The following ATP13A1 variants were observed in gnomAD, a reference collection of about 807,000 sequenced individuals.
ATP13A1 encodes endoplasmic reticulum transmembrane helix translocase.
Under a neutral mutation model 134.8 loss-of-function variants are expected in ATP13A1, and 55 were observed. The ratio of observed to expected loss-of-function variants is 0.41; its 90% CI spans 0.33 to 0.51. ATP13A1 has a LOEUF of 0.51. Ranked by LOEUF, ATP13A1 falls within the 20% of genes least tolerant of loss-of-function variation. ATP13A1 has a pLI of 0.29. For missense variants in ATP13A1, 1,389 were observed against 1,652.8 expected (o/e 0.84, Z 2.77); for synonymous variants, 775 against 725.1 (o/e 1.07, Z -1.10).
intron 3 of ATP13A1, 68 bp from the exon 4 acceptor site, chr19:19,657,476 C>T: frequency 6.9e-7 from 1 of 1,438,868 alleles, no homozygotes. Context: ...TCCACCCTGA[C>T]CCCTCCAACC....
chr19:19,660,043 G>C, intron 1 of ATP13A1, 56 bp from the exon 2 acceptor site: 4 of 1,490,412 alleles, frequency 2.7e-6, no homozygotes, highest in Non-Finnish European at 2.7e-6. Flanking sequence ...ACAGTTCCAA[G>C]ACCCCCCCGG....
Position 19,659,922 on chromosome 19 carries a change from C to A in ATP13A1, c.462G>T (p.Glu154Asp). The change falls in exon 2 of 26, where the codon GAG (glutamate) becomes GAT (aspartate). Residue 154 changes from glutamate to aspartate, a missense_variant. Coordinates refer to ENST00000357324, the MANE Select transcript of ATP13A1 (RefSeq NM_020410.3). ...VVPTPNNGSTELVALHRNEGE... is the reference protein window; with the variant it reads ...VVPTPNNGSTDLVALHRNEGE... ...CCTCATTGCGGTGCAGGGCCACGAG[C>A]TCCGTGGAGCCATTGTTGGGGGTTG... 1 of 1,586,598 alleles carries A rather than the reference C, an allele frequency of 6.3e-7. No homozygotes were observed. The highest frequency in any genetic ancestry group is 8.6e-7 in the Non-Finnish European group (1 of 1,168,300).
At position 19,645,853 on chromosome 19, in the gene ATP13A1, T is replaced by G; in HGVS notation, c.3360+21A>C. 1 of 1,612,218 alleles carries G rather than the reference T, an allele frequency of 6.2e-7. No homozygotes were observed. The highest frequency in any genetic ancestry group is 8.5e-7 in the Non-Finnish European group (1 of 1,178,978). On this transcript the variant is annotated intron_variant, in intron 24 of 25. Transcript: ENST00000357324. The surrounding 1 kb of genome is among the most constrained non-coding windows in gnomAD (Gnocchi z 4.1). ...GCTGGGTGGGCAGACAGTGAATGTTTGGGCAGGGCCCAGGCCTTACTTTGT... is the reference window on the plus strand; with the variant it reads ...GCTGGGTGGGCAGACAGTGAATGTTGGGGCAGGGCCCAGGCCTTACTTTGT...
Position 19,656,177 on chromosome 19 carries a change from T to C in ATP13A1, c.1090A>G (p.Ile364Val). Residue 364 changes from isoleucine to valine, a missense_variant, in exon 8 of 26, where the codon ATC (isoleucine) becomes GTC (valine). Transcript: ENST00000357324. This position sits in a 1 kb window ranked among gnomAD's most constrained non-coding sequence, Gnocchi z 4.6. ...ACCCGGTCTGGGCTGAGGTCTTCGA[T>C]GGGCTCCTGGGGAGGAAGATCGTGA... ...GESVPQMKEP[I>V]EDLSPDRVLD... The C allele has an allele frequency of 6.2e-7, 1 of 1,606,126 alleles. No individual in the cohort carries two copies. Among genetic ancestry groups the C allele is most frequent in the Non-Finnish European group, 8.5e-7 (1 of 1,175,220 alleles).
In ATP13A1 at chr19:19,652,588, C is replaced by A. The variant is rs373702947; in HGVS notation, c.2226+7G>T. 3 of 1,606,974 alleles carry A rather than the reference C, an allele frequency of 1.9e-6. No individual in the cohort carries two copies. The African/African-American group carries it at 4.0e-5, about 21-fold the overall frequency. The stretch of plus-strand genomic sequence containing the variant: ...TGCAGAGGGTGGAGCCGAGCACCGT[C>A]CCATACCCGGTGGGACGCATTCTGG... On this transcript the variant is annotated splice_region_variant and intron_variant, in intron 16 of 25. Coordinates refer to ENST00000357324, the MANE Select transcript of ATP13A1 (RefSeq NM_020410.3).
At chr19:19,658,348 C>A (rs10415278) in intron 3 of ATP13A1, among the ~76,000 whole-genome samples, 23,086 of 152,010 alleles carry the variant, frequency 0.15, 1,959 homozygotes, top group Middle Eastern at 0.32. Context: ...AGCAACCCCA[C>A]TGCTATCAAA....
chr19:19,646,378 GA>G (rs2061985884), intron 22 of ATP13A1, 31 bp from the exon 23 acceptor site: 1 of 1,612,688 alleles, frequency 6.2e-7, no homozygotes, highest in Non-Finnish European at 8.5e-7. Flanking sequence ...GGGGAGTCAG[GA>G]TCTGGCTCAC....
chr19:19,646,102 G>A (rs1290092180), intron 23 of ATP13A1, 103 bp downstream of exon 23: 2 of 1,592,532 alleles, frequency 1.3e-6, no homozygotes, highest in Admixed American at 3.4e-5. Flanking sequence ...GCCCCTCCCT[G>A]GACACCCTGG....
At position 19,655,579 on chromosome 19, in the gene ATP13A1, G is replaced by A. The variant is rs1240941346; in HGVS notation, c.1345C>T (p.Leu449Phe). ...GCGATGGCAAACACCAGGAGGAAGA[G>A]GATGAAGATGAAGGTCTCCAGGTTG... Reference protein sequence around the residue: ...ANNLETFIFILFLLVFAIAAA... With the variant: ...ANNLETFIFIFFLLVFAIAAA... The change falls in exon 10 of 26, where the codon CTC becomes TTC. Residue 449 changes from leucine (L) to phenylalanine (F), a missense_variant. Leu to Phe is a conservative substitution (Grantham distance 22). This residue lies in a region of ATP13A1 where 747 missense variants were observed against 956.1 expected (regional missense o/e 0.78). Coordinates refer to ENST00000357324, the MANE Select transcript of ATP13A1 (RefSeq NM_020410.3). The surrounding 1 kb of genome is among the most constrained non-coding windows in gnomAD (Gnocchi z 5.7). 1.2e-6 allele frequency: 2 copies of A among 1,613,994 alleles called. No homozygotes were observed. Among genetic ancestry groups the A allele is most frequent in the Non-Finnish European group, 8.5e-7 (1 of 1,179,880 alleles).
chr19:19,647,721 C>T lies in ATP13A1; in HGVS notation c.2671G>A (p.Glu891Lys), dbSNP rs1180334789. ...LLANAPERVV[E>K]RRRRPRDSPT... Reference sequence around the variant, plus strand: ...CTGTCCCGGGGCCGCCGTCGCCGCTCGACAACCCGCTCAGGGGCATTGGCC... The same window carrying T: ...CTGTCCCGGGGCCGCCGTCGCCGCTTGACAACCCGCTCAGGGGCATTGGCC... Residue 891 changes from glutamate (E) to lysine (K), a missense_variant, in exon 20 of 26, where the codon GAG (glutamate) becomes AAG (lysine). Glu to Lys is a moderately conservative substitution (Grantham distance 56, BLOSUM62 1). Transcript: ENST00000357324. This position sits in a 1 kb window ranked among gnomAD's most constrained non-coding sequence, Gnocchi z 4.8. 25 of 1,607,050 alleles carry T rather than the reference C, an allele frequency of 1.6e-5. No homozygotes were observed. Among genetic ancestry groups the T allele is most frequent in the Admixed American group, 6.7e-5 (4 of 59,524 alleles).
Position 19,663,476 on chromosome 19 carries a change from C to T in ATP13A1, c.191G>A (p.Arg64His). The T allele has an allele frequency of 1.3e-6, 2 of 1,538,294 alleles. No homozygotes were observed. The highest frequency in any genetic ancestry group is 1.2e-5 in the South Asian group (1 of 84,158). Residue 64 changes from arginine (R) to histidine (H), a missense_variant, in exon 1 of 26, where the codon CGC becomes CAC. By Grantham distance (29) the Arg-to-His change is conservative. Coordinates refer to ENST00000357324, the MANE Select transcript of ATP13A1 (RefSeq NM_020410.3). Reference protein sequence around the residue: ...WPYRRLALLRRLTVLPFAGLL... With the variant: ...WPYRRLALLRHLTVLPFAGLL... ...CCCGGCGAATGGCAGCACCGTGAGG[C>T]GCCGCAACAGCGCCAACCGCCGGTA...
At chr19:19,659,387 C>T (rs906674113) in intron 3 of ATP13A1, among the ~76,000 whole-genome samples, 2 of 151,852 alleles carry the variant, frequency 1.3e-5, no homozygotes, top group South Asian at 2.1e-4. Flanking sequence ...ACCGGGGAGG[C>T]GGAGGTTGGG....
At chr19:19,648,298 G>A (rs1285078171) in intron 19 of ATP13A1, among the ~76,000 whole-genome samples, 1 of 151,344 alleles carries the variant, frequency 6.6e-6, no homozygotes. Flanking sequence ...CAGCCTGGGC[G>A]ACAGAGCGAG....
At chr19:19,646,749 T>C (rs561936658) in intron 22 of ATP13A1, 6 of 369,408 alleles carry the variant, frequency 1.6e-5, no homozygotes, top group Non-Finnish European at 2.5e-5. Context: ...CTGGCCCCCC[T>C]GGTTCTTTAC....
At chr19:19,652,566 A>T in intron 16 of ATP13A1, 29 bp downstream of exon 16, 2 of 1,597,192 alleles carry the variant, frequency 1.3e-6, no homozygotes, top group Non-Finnish European at 1.7e-6. Flanking sequence ...TTTCCCATGC[A>T]GAGGGTGGAG....
In ATP13A1 at chr19:19,654,566, G is replaced by A; in HGVS notation, c.1790C>T (p.Ala597Val). Residue 597 changes from alanine to valine, a missense_variant, in exon 13 of 26, where the codon GCC becomes GTC. This residue lies in a region of ATP13A1 where 747 missense variants were observed against 956.1 expected (regional missense o/e 0.78). Coordinates refer to ENST00000357324, the MANE Select transcript of ATP13A1 (RefSeq NM_020410.3). ...ACCTTTGGTCAGCGTCCAGTCCACG[G>A]CCGTCAGCATGGCCTTCTCTAGAGG... ...GDPLEKAMLT[A>V]VDWTLTKDEK... 1.2e-6 allele frequency: 2 copies of A among 1,611,764 alleles called. No individual in the cohort carries two copies. The highest frequency in any genetic ancestry group is 1.7e-6 in the Non-Finnish European group (2 of 1,179,356).
At position 19,655,367 on chromosome 19, in the gene ATP13A1, T is replaced by C; in HGVS notation, c.1483A>G (p.Ile495Val). Residue 495 changes from isoleucine to valine, a missense_variant, in exon 11 of 26, where the codon ATC becomes GTC. Physicochemically the swap from Ile to Val is conservative, Grantham distance 29. This residue lies in a region of ATP13A1 where 747 missense variants were observed against 956.1 expected (regional missense o/e 0.78). Coordinates refer to ENST00000357324, the MANE Select transcript of ATP13A1 (RefSeq NM_020410.3). This position sits in a 1 kb window ranked among gnomAD's most constrained non-coding sequence, Gnocchi z 5.7. Reference protein sequence around the residue: ...LTSVVPPELPIELSLAVNTSL... With the variant: ...LTSVVPPELPVELSLAVNTSL... Reference sequence around the variant, plus strand: ...GTGTTGACGGCCAGGGACAGCTCGATGGGCAGCTCAGGAGGCACGACCGAG... The same window carrying C: ...GTGTTGACGGCCAGGGACAGCTCGACGGGCAGCTCAGGAGGCACGACCGAG... The C allele has an allele frequency of 1.9e-6, 3 of 1,613,900 alleles. No homozygotes were observed. The highest frequency in any genetic ancestry group is 2.5e-6 in the Non-Finnish European group (3 of 1,179,860).
chr19:19,648,207 T>C (rs2061999282), intron 19 of ATP13A1, among the ~76,000 whole-genome samples: 1 of 151,900 alleles, frequency 6.6e-6, no homozygotes, highest in African/African-American at 2.4e-5. Flanking sequence ...TAATTCCAGC[T>C]ACTCGGGAGG....
At position 19,649,663 on chromosome 19, in the gene ATP13A1, C is replaced by T; in HGVS notation, c.2536G>A (p.Glu846Lys). The change falls in exon 19 of 26, where the codon GAG (glutamate) becomes AAG (lysine). Residue 846 changes from glutamate to lysine, a missense_variant and splice_region_variant. This residue lies in a region of ATP13A1 where 747 missense variants were observed against 956.1 expected (regional missense o/e 0.78). Coordinates refer to ENST00000357324, the MANE Select transcript of ATP13A1 (RefSeq NM_020410.3). ...VFARVAPKQK[E>K]FVITSLKELG... Reference sequence around the variant, plus strand: ...TCCTTCAGGCTGGTGATGACAAACTCCTGTATGGGCGGAGACAGGCTGAGC... The same window carrying T: ...TCCTTCAGGCTGGTGATGACAAACTTCTGTATGGGCGGAGACAGGCTGAGC... The T allele has an allele frequency of 6.2e-7, 1 of 1,613,926 alleles. No individual in the cohort carries two copies.
Sources: gnomAD v4.1 joint callset for allele counts (sites outside exome capture counted in the v4.1 genomes callset) on GRCh38, gnomAD v4.1.1 for gene constraint, gnomAD v4.1.1 regional missense constraint, Gnocchi (gnomAD v3.1) non-coding constraint, MANE v1.5 for transcripts, NCBI Gene and HGNC (gene_info 2026-07-23, HGNC 2026-07-21) for gene names.